CTIF: variants seen among roughly 807,000 people sequenced by gnomAD.
CTIF encodes CBP80/20-dependent translation initiation factor.
Under a neutral mutation model 66.0 loss-of-function variants are expected in CTIF, and 21 were observed. The ratio of observed to expected loss-of-function variants is 0.32; its 90% CI spans 0.23 to 0.46. The LOEUF (loss-of-function observed/expected upper bound fraction) is 0.46, where lower values mean the gene tolerates loss of function less well. CTIF is among the 20% of genes least tolerant of loss of function. CTIF has a pLI of 1.00. For missense variants in CTIF, 739 were observed against 812.7 expected (o/e 0.91, Z 1.10); for synonymous variants, 345 against 326.4 (o/e 1.06, Z -0.62).
chr18:48,615,492 G>A (rs1257685855), intron 1 of CTIF, among the ~76,000 whole-genome samples: 1 of 152,228 alleles, frequency 6.6e-6, no homozygotes, highest in Non-Finnish European at 1.5e-5. Context: ...TCCTGGAGGA[G>A]CTGAAATCCC....
At chr18:48,668,704 G>A (rs2091476077) in intron 5 of CTIF, among the ~76,000 whole-genome samples, 1 of 152,028 alleles carries the variant, frequency 6.6e-6, no homozygotes, top group South Asian at 2.1e-4. Context: ...GTGTCAGCCT[G>A]GGACATCCTC....
At chr18:48,829,634 G>A (rs1165886800) in intron 10 of CTIF, among the ~76,000 whole-genome samples, 4 of 152,188 alleles carry the variant, frequency 2.6e-5, no homozygotes, top group Admixed American at 2.0e-4. Flanking sequence ...TTGGGGTGCC[G>A]AGTGCTGGAC....
chr18:48,654,674 C>G (rs1198430584), intron 3 of CTIF, among the ~76,000 whole-genome samples: 1 of 152,166 alleles, frequency 6.6e-6, no homozygotes, highest in Non-Finnish European at 1.5e-5. Context: ...CACATGCACA[C>G]GTATGTTTGT....
intron 9 of CTIF, among the ~76,000 whole-genome samples, chr18:48,783,218 G>A (rs1430023349): frequency 6.6e-6 from 1 of 152,136 alleles, no homozygotes; most frequent in Non-Finnish European, 1.5e-5. Flanking sequence ...TAGCTGGGGG[G>A]CTCCCAGGGG....
chr18:48,790,585 A>AGGTGC (rs2067770960), intron 9 of CTIF, among the ~76,000 whole-genome samples: 1 of 152,178 alleles, frequency 6.6e-6, no homozygotes, highest in Non-Finnish European at 1.5e-5. Flanking sequence ...CTGAAAGACT[A>AGGTGC]AGAAAGCACT....
chr18:48,643,983 C>T (rs1315898720), intron 3 of CTIF, among the ~76,000 whole-genome samples: 1 of 152,200 alleles, frequency 6.6e-6, no homozygotes, highest in Non-Finnish European at 1.5e-5. Flanking sequence ...TATTGTTAGG[C>T]AGCTCCATTA....
At chr18:48,770,707 G>A (rs1168357609) in intron 9 of CTIF, among the ~76,000 whole-genome samples, 3 of 152,270 alleles carry the variant, frequency 2.0e-5, no homozygotes, top group Non-Finnish European at 4.4e-5. Context: ...GGCCTGAGGA[G>A]TAGCAAACCT....
In CTIF at chr18:48,619,524, C is replaced by T; in HGVS notation, c.-28-14C>T. On this transcript the variant is annotated splice_polypyrimidine_tract_variant and intron_variant, in intron 1 of 11. Transcript: ENST00000256413. ...GCAGCGTCTCACGGAGTTCTCTGTC[C>T]TCTTTCCCACCAGTCCCGGCCCAGG... 1.4e-6 allele frequency: 2 copies of T among 1,413,874 alleles called. No homozygotes were observed. Among genetic ancestry groups the T allele is most frequent in the Non-Finnish European group, 1.8e-6 (2 of 1,081,242 alleles). 87.6% of individuals were successfully genotyped at this position (1,413,874 alleles called of 1,614,324 possible).
At chr18:48,574,239 T>C (rs1848174992) in intron 1 of CTIF, among the ~76,000 whole-genome samples, 1 of 152,224 alleles carries the variant, frequency 6.6e-6, no homozygotes, top group African/African-American at 2.4e-5. Context: ...TGGGGATAAA[T>C]TTATTTTTCT....
rs764332310 is a variant in CTIF, at chr18:48,789,900, A to G, written c.1372-27321A>G. Among the ~76,000 whole-genome samples the G allele has an allele frequency of 6.8e-4, 103 of 152,332 alleles. 1 individual carries two copies. The highest frequency in any genetic ancestry group is 1.0e-3 in the Admixed American group (16 of 15,306). ...GGTACTGGTGAAGAGTATAGATGCTAGAGCCTGGCCCCTGGCTTTGAATGC... is the reference window on the plus strand; with the variant it reads ...GGTACTGGTGAAGAGTATAGATGCTGGAGCCTGGCCCCTGGCTTTGAATGC... On this transcript the variant is annotated intron_variant, in intron 9 of 11. Coordinates refer to ENST00000256413, the MANE Select transcript of CTIF (RefSeq NM_014772.3).
intron 7 of CTIF, among the ~76,000 whole-genome samples, chr18:48,717,683 G>T (rs1432145874): frequency 6.6e-6 from 1 of 152,036 alleles, no homozygotes; most frequent in Non-Finnish European, 1.5e-5. Context: ...AAAGAATAAG[G>T]CAGGTCCCAG....
intron 1 of CTIF, among the ~76,000 whole-genome samples, chr18:48,564,291 C>T (rs763079490): frequency 1.3e-5 from 2 of 152,236 alleles, no homozygotes; most frequent in East Asian, 1.9e-4. Flanking sequence ...CAGGACCGGA[C>T]CTCTGTGGGT....
chr18:48,737,655 T>C (rs2092515771), intron 7 of CTIF, among the ~76,000 whole-genome samples: 1 of 152,058 alleles, frequency 6.6e-6, no homozygotes, highest in Non-Finnish European at 1.5e-5. Context: ...ATATGTAGTA[T>C]GCTACTGTTT....
intron 9 of CTIF, among the ~76,000 whole-genome samples, chr18:48,778,559 G>A (rs111556408): frequency 6.6e-6 from 1 of 152,164 alleles, no homozygotes; most frequent in African/African-American, 2.4e-5. Context: ...GGGCATGTTG[G>A]CAGAAGGGGT....
At chr18:48,730,696 A>AGGGGCTTCTGCTGTGTGAGGGGCTTCTGC (rs2092446751) in intron 7 of CTIF, among the ~76,000 whole-genome samples, 8 of 34,308 alleles carry the variant, frequency 2.3e-4, no homozygotes, top group African/African-American at 1.2e-3. Context: ...GGAGCCCCTG[A>AGGGGCTTCTGCTGTGTGAGGGGCTTCTGC]GGTGTGAGGG....
intron 10 of CTIF, among the ~76,000 whole-genome samples, chr18:48,818,885 G>A (rs746598541): frequency 6.6e-6 from 1 of 152,142 alleles, no homozygotes; most frequent in Non-Finnish European, 1.5e-5. Context: ...ACAGGAGTGT[G>A]GACACGTCTT....
At position 48,840,326 on chromosome 18, in the gene CTIF, G is replaced by A. The variant is rs77521297; in HGVS notation, c.1528-17262G>A. 1.1e-3 allele frequency among the ~76,000 whole-genome samples: 171 copies of A among 152,298 alleles called. 1 individual carries two copies. The highest frequency in any genetic ancestry group is 3.5e-3 in the African/African-American group (145 of 41,564). ...CAGAGCAGAAGTGGCCCAGCGAGCC[G>A]CCTGAATGCCAGGCTAAGCCCTCAT... On this transcript the variant is annotated intron_variant, in intron 10 of 11. Transcript: ENST00000256413.
chr18:48,839,905 A>G (rs2068898600), intron 10 of CTIF, among the ~76,000 whole-genome samples: 1 of 152,186 alleles, frequency 6.6e-6, no homozygotes, highest in Non-Finnish European at 1.5e-5. Flanking sequence ...GCAGAAAGCC[A>G]TGCTTTCTTT....
At chr18:48,786,808 G>C (rs1470254990) in intron 9 of CTIF, among the ~76,000 whole-genome samples, 2 of 151,336 alleles carry the variant, frequency 1.3e-5, no homozygotes, top group Non-Finnish European at 2.9e-5. Flanking sequence ...CCAGCCCAGG[G>C]GTCCTTCCTC....
Sources: allele counts gnomAD v4.1 joint callset (sites outside exome capture counted in the v4.1 genomes callset), GRCh38; gene constraint gnomAD v4.1.1; transcripts MANE v1.5; gene names NCBI Gene and HGNC (gene_info 2026-07-23, HGNC 2026-07-21).